Variants in PCDHGA3 observed in about 807,000 individuals in gnomAD.
PCDHGA3 encodes protocadherin gamma-A3.
A neutral mutation model predicts 58.5 loss-of-function variants in PCDHGA3; 40 were observed. That is an observed-to-expected ratio of 0.68 (90% CI 0.53 to 0.89). PCDHGA3 has a LOEUF of 0.89. Ranked by LOEUF, PCDHGA3 falls within the 40% of genes least tolerant of loss-of-function variation. The probability of loss-of-function intolerance (pLI) is 0.00; values close to 1 mark genes in which losing one functional copy is unlikely to be tolerated. For synonymous variants in PCDHGA3, 530 were observed against 525.7 expected, an observed-to-expected ratio of 1.01 and a Z score of -0.11; for missense variants, 1,223 against 1,195.9, an observed-to-expected ratio of 1.02 and a Z score of -0.33.
intron 1 of PCDHGA3, chr5:141,357,875 G>A (rs1004747934): frequency 5.4e-6 from 3 of 558,690 alleles, no homozygotes; most frequent in African/African-American, 3.8e-5. Flanking sequence ...TTACAACTCT[G>A]AGCCACCTCA....
At chr5:141,390,432 C>A in intron 1 of PCDHGA3, 2 of 985,350 alleles carry the variant, frequency 2.0e-6, no homozygotes, top group Admixed American at 2.8e-5. Context: ...GCTGTCATAT[C>A]ATTCTACAAA....
At chr5:141,412,145 C>T (rs1335929166) in intron 1 of PCDHGA3, 1 of 152,210 alleles carries the variant, frequency 6.6e-6, no homozygotes, top group East Asian at 1.9e-4. Context: ...CTGATACAAA[C>T]TGCCTAAGAG....
intron 1 of PCDHGA3, chr5:141,387,869 G>A (rs772536133): frequency 6.3e-7 from 1 of 1,590,306 alleles, no homozygotes; most frequent in Non-Finnish European, 8.5e-7. Context: ...TGAGCAAGCT[G>A]AGGAGAGCAA....
At chr5:141,374,059 C>T in intron 1 of PCDHGA3, 1 of 1,489,738 alleles carries the variant, frequency 6.7e-7, no homozygotes, top group Non-Finnish European at 8.9e-7. Flanking sequence ...TTCTTAATCC[C>T]AGAGAAGTTC....
chr5:141,384,575 C>A (rs754018989), intron 1 of PCDHGA3: 3 of 1,614,258 alleles, frequency 1.9e-6, no homozygotes, highest in Non-Finnish European at 2.5e-6. Context: ...AATGACAACC[C>A]GCCCGAGATC....
chr5:141,404,242 G>A (rs372976589), intron 1 of PCDHGA3: 30 of 1,613,344 alleles, frequency 1.9e-5, no homozygotes, highest in Non-Finnish European at 2.4e-5. Flanking sequence ...GAGGAACTCC[G>A]CCCCTGTCCA....
chr5:141,351,705 G>C, intron 1 of PCDHGA3: 1 of 1,613,928 alleles, frequency 6.2e-7, no homozygotes, highest in Non-Finnish European at 8.5e-7. Flanking sequence ...CCCAACGGCA[G>C]AGTCTCCTAC....
intron 2 of PCDHGA3, among the ~76,000 whole-genome samples, chr5:141,495,440 A>G (rs2099761377): frequency 6.6e-6 from 1 of 151,898 alleles, no homozygotes; most frequent in African/African-American, 2.4e-5. Context: ...CTCTGCCCCT[A>G]CTTGTCCTGC....
At chr5:141,357,503 T>C (rs1001739432) in intron 1 of PCDHGA3, 2 of 1,614,126 alleles carry the variant, frequency 1.2e-6, no homozygotes, top group African/African-American at 2.7e-5. Flanking sequence ...AAGAGTCACC[T>C]GATCTTCTCC....
intron 1 of PCDHGA3, chr5:141,361,665 G>T: frequency 6.2e-7 from 1 of 1,613,696 alleles, no homozygotes. Flanking sequence ...TGAGCGCGCA[G>T]AGCGGGGTGG....
intron 1 of PCDHGA3, chr5:141,420,220 A>G (rs2096478738): frequency 6.2e-7 from 1 of 1,608,142 alleles, no homozygotes; most frequent in African/African-American, 1.3e-5. Flanking sequence ...ATAGCATGCT[A>G]CTGGCTAGCA....
rs187177915 is a variant in PCDHGA3 at position 141,472,338 on chromosome 5, G to A, written c.2425-22469G>A. ...AGGCAGATCACGAGGTTGGGAGATC[G>A]AGACCATCCTGGCTAACACGGTGAA... On this transcript the variant is annotated intron_variant, in intron 1 of 3. Transcript: ENST00000253812. Among the ~76,000 whole-genome samples, 23 of 151,526 alleles carry A rather than the reference G, an allele frequency of 1.5e-4. No homozygotes were observed. The East Asian group carries it at 3.2e-3, about 21-fold the overall frequency.
In PCDHGA3 at chr5:141,399,908, C is replaced by T. The variant is rs141997055; in HGVS notation, c.2424+53451C>T. 17,269 of 1,612,412 alleles carry T rather than the reference C, an allele frequency of 0.011. 105 individuals are homozygous for T. Among genetic ancestry groups the T allele is most frequent in the Non-Finnish European group, 0.012 (14,309 of 1,179,754 alleles). On this transcript the variant is annotated intron_variant, in intron 1 of 3. Transcript: ENST00000253812. ...AAGGTAGTGGCCGTGGACGCAGACT[C>T]AGGACACAACGCCTGGCTGTCCTAC... is the stretch of plus-strand genomic sequence containing the variant.
chr5:141,359,322 A>G (rs1761174908), intron 1 of PCDHGA3, among the ~76,000 whole-genome samples: 1 of 152,154 alleles, frequency 6.6e-6, no homozygotes, highest in Non-Finnish European at 1.5e-5. Flanking sequence ...GGCATTAGGA[A>G]TATATTCCAG....
chr5:141,374,652 A>G, intron 1 of PCDHGA3: 1 of 1,612,302 alleles, frequency 6.2e-7, no homozygotes, highest in Non-Finnish European at 8.5e-7. Context: ...CATGGGCCCA[A>G]GTACCCGGAG....
At position 141,429,387 on chromosome 5, in the gene PCDHGA3, TAAAAA is replaced by T. The variant is rs11410533; in HGVS notation, c.2425-65416_2425-65412del. On this transcript the variant is annotated intron_variant, in intron 1 of 3. Transcript: ENST00000253812. ...AAATGGAGAAAATGTGTTTTTTTTT[TAAAAA>T]AAATTGAGATTAAGGTCTCATTATG... 8.8e-4 allele frequency among the ~76,000 whole-genome samples: 134 copies of T among 151,448 alleles called. 1 individual carries two copies. Among genetic ancestry groups the T allele is most frequent in the Non-Finnish European group, 1.5e-3 (103 of 67,818 alleles).
At chr5:141,384,448 C>A (rs1780101973) in intron 1 of PCDHGA3, 2 of 1,614,070 alleles carry the variant, frequency 1.2e-6, no homozygotes, top group Non-Finnish European at 1.7e-6. Flanking sequence ...CCTGTACGCG[C>A]TGCAATCCTT....
intron 1 of PCDHGA3, chr5:141,389,349 A>C: frequency 5.6e-6 from 9 of 1,613,980 alleles, no homozygotes; most frequent in Non-Finnish European, 7.6e-6. Flanking sequence ...CTCTTACTGC[A>C]TCATGGCCAG....
chr5:141,488,046 G>A (rs958459817), intron 1 of PCDHGA3, among the ~76,000 whole-genome samples: 1 of 152,182 alleles, frequency 6.6e-6, no homozygotes, highest in African/African-American at 2.4e-5. Flanking sequence ...CCAAGGGATT[G>A]AGGGGAAATA....
Sources: allele counts gnomAD v4.1 joint callset (sites outside exome capture counted in the v4.1 genomes callset), GRCh38; gene constraint gnomAD v4.1.1; transcripts MANE v1.5; gene names NCBI Gene and HGNC (gene_info 2026-07-23, HGNC 2026-07-21).